PHACTR1: variants seen among roughly 807,000 people sequenced by gnomAD.
PHACTR1 encodes phosphatase and actin regulator 1.
PHACTR1 carries 16 observed loss-of-function variants against 69.2 expected under a neutral mutation model. The ratio of observed to expected loss-of-function variants is 0.23; its 90% confidence interval spans 0.16 to 0.35. The LOEUF (loss-of-function observed/expected upper bound fraction) is 0.35. Among genes scored for constraint, PHACTR1 ranks in the 10% least tolerant of loss-of-function variants. The pLI, the probability that PHACTR1 is intolerant of heterozygous loss-of-function variation, is 1.00. For missense variants in PHACTR1, 510 were observed against 734.7 expected (o/e 0.69, Z 3.54); for synonymous variants, 312 against 284.5 (o/e 1.10, Z -0.97).
At chr6:12,738,042 A>T (rs1160413435) in intron 3 of PHACTR1, among the ~76,000 whole-genome samples, 1 of 152,220 alleles carries the variant, frequency 6.6e-6, no homozygotes, top group East Asian at 1.9e-4. Context: ...CCTCCAGGAC[A>T]GGAACTAGTC....
intron 4 of PHACTR1, among the ~76,000 whole-genome samples, chr6:13,046,140 G>A (rs747224180): frequency 3.9e-5 from 6 of 152,140 alleles, no homozygotes; most frequent in African/African-American, 9.7e-5. Flanking sequence ...ATGATGTGGC[G>A]TAATGGTTGC....
intron 4 of PHACTR1, among the ~76,000 whole-genome samples, chr6:12,965,385 G>A (rs1196487015): frequency 6.6e-6 from 1 of 151,472 alleles, no homozygotes; most frequent in Admixed American, 6.6e-5. Flanking sequence ...GGAACAAAGT[G>A]AGGCTCTGCC....
intron 4 of PHACTR1, among the ~76,000 whole-genome samples, chr6:13,029,562 C>T (rs1162418819): frequency 6.6e-6 from 1 of 152,138 alleles, no homozygotes; most frequent in African/African-American, 2.4e-5. Context: ...ATTACTAGCT[C>T]TCAAGATGGC....
intron 4 of PHACTR1, among the ~76,000 whole-genome samples, chr6:13,014,769 T>C (rs1799919004): frequency 6.6e-6 from 1 of 152,166 alleles, no homozygotes; most frequent in Non-Finnish European, 1.5e-5. Context: ...CAGGTGAGCC[T>C]GGGCGTGTGC....
At position 13,035,090 on chromosome 6, in the gene PHACTR1, G is replaced by A. The variant is rs546255965; in HGVS notation, c.251-18275G>A. On this transcript the variant is annotated intron_variant, in intron 4 of 14. Transcript: ENST00000332995. Reference sequence around the variant, plus strand: ...TGCCTGGCATGATAATATTGTGAATGTATTTGAGTTACTCTTGGCTTTGTT... The same window carrying A: ...TGCCTGGCATGATAATATTGTGAATATATTTGAGTTACTCTTGGCTTTGTT... Among the ~76,000 whole-genome samples, 10 of 152,286 alleles carry A rather than the reference G, an allele frequency of 6.6e-5. 1 individual carries two copies. In the East Asian group the frequency reaches 1.3e-3, roughly 21 times the overall value.
chr6:12,720,382 T>C (rs970067075), intron 3 of PHACTR1, among the ~76,000 whole-genome samples: 1 of 152,214 alleles, frequency 6.6e-6, no homozygotes, highest in African/African-American at 2.4e-5. Flanking sequence ...GTGGGGATGC[T>C]TTAAGCCTTT....
At chr6:13,059,275 A>T (rs1368897276) in intron 5 of PHACTR1, among the ~76,000 whole-genome samples, 1 of 152,130 alleles carries the variant, frequency 6.6e-6, no homozygotes, top group African/African-American at 2.4e-5. Context: ...TGAAAAGTCA[A>T]GTAGAAGGGT....
chr6:13,111,968 A>G (rs1279772219), intron 5 of PHACTR1, among the ~76,000 whole-genome samples: 2 of 152,084 alleles, frequency 1.3e-5, no homozygotes, highest in Non-Finnish European at 2.9e-5. Context: ...GGATTATTTC[A>G]TCACCCAGGT....
At chr6:12,857,876 A>C (rs1780556783) in intron 4 of PHACTR1, among the ~76,000 whole-genome samples, 1 of 152,194 alleles carries the variant, frequency 6.6e-6, no homozygotes, top group Non-Finnish European at 1.5e-5. Flanking sequence ...AGGGATTTGT[A>C]GTCACAAGAT....
intron 6 of PHACTR1, among the ~76,000 whole-genome samples, chr6:13,180,997 AG>A (rs1762105343): frequency 6.6e-6 from 1 of 152,162 alleles, no homozygotes; most frequent in Admixed American, 6.5e-5. Context: ...AATTAAAAAA[AG>A]AAAAAAAAAC....
chr6:13,218,498 T>C (rs1170432336), intron 8 of PHACTR1, among the ~76,000 whole-genome samples: 1 of 152,166 alleles, frequency 6.6e-6, no homozygotes, highest in Non-Finnish European at 1.5e-5. Flanking sequence ...GATAAGTCAG[T>C]GTCTTCATTT....
At chr6:13,022,377 A>ACT (rs1801101358) in intron 4 of PHACTR1, among the ~76,000 whole-genome samples, 1 of 152,228 alleles carries the variant, frequency 6.6e-6, no homozygotes, top group Non-Finnish European at 1.5e-5. Context: ...AGGGGTTAGT[A>ACT]AACTATGGCC....
chr6:12,990,487 G>A (rs915015732), intron 4 of PHACTR1, among the ~76,000 whole-genome samples: 2 of 152,270 alleles, frequency 1.3e-5, no homozygotes, highest in Non-Finnish European at 2.9e-5. Flanking sequence ...ACCCTCACAA[G>A]AGGGAGCACA....
At chr6:12,829,164 A>G (rs1479109888) in intron 4 of PHACTR1, among the ~76,000 whole-genome samples, 1 of 152,252 alleles carries the variant, frequency 6.6e-6, no homozygotes, top group Non-Finnish European at 1.5e-5. Flanking sequence ...TAGAAGCAAG[A>G]CATACATTGT....
At chr6:13,119,252 C>G (rs1818320254) in intron 5 of PHACTR1, among the ~76,000 whole-genome samples, 2 of 152,190 alleles carry the variant, frequency 1.3e-5, no homozygotes. Context: ...TCATGTGATA[C>G]ACTTTGGAAA....
chr6:12,880,313 A>G (rs375744319), intron 4 of PHACTR1, among the ~76,000 whole-genome samples: 3 of 149,570 alleles, frequency 2.0e-5, no homozygotes, highest in African/African-American at 7.4e-5. Flanking sequence ...TGCAGCCTTG[A>G]CCTTCCTGGC....
At chr6:12,982,395 T>C (rs961758529) in intron 4 of PHACTR1, among the ~76,000 whole-genome samples, 1 of 152,224 alleles carries the variant, frequency 6.6e-6, no homozygotes, top group African/African-American at 2.4e-5. Flanking sequence ...AAAATTAACC[T>C]ATCAGCCGGG....
In PHACTR1 at chr6:12,895,183, T is replaced by C. The variant is rs953647725; in HGVS notation, c.250+145393T>C. ...TTGTGACTCTTTCTTTTTTCTTTTT[T>C]TTTTTTTTTTTTTTTGAGACGAAGT... On this transcript the variant is annotated intron_variant, in intron 4 of 14. Coordinates refer to ENST00000332995, the MANE Select transcript of PHACTR1 (RefSeq NM_030948.6). Among the ~76,000 whole-genome samples, 146 of 144,338 alleles carry C rather than the reference T, an allele frequency of 1.0e-3. 1 individual carries two copies. The highest frequency in any genetic ancestry group is 4.4e-3 in the Admixed American group (64 of 14,552). 94.7% of individuals were successfully genotyped at this position (144,338 alleles called of 152,430 possible).
chr6:12,764,065 G>A (rs1768335947), intron 4 of PHACTR1, among the ~76,000 whole-genome samples: 1 of 152,098 alleles, frequency 6.6e-6, no homozygotes, highest in African/African-American at 2.4e-5. Flanking sequence ...ACACTAATTT[G>A]GAGAAGAAAT....
Sources: gnomAD v4.1 joint callset for allele counts (sites outside exome capture counted in the v4.1 genomes callset) on GRCh38, gnomAD v4.1.1 for gene constraint, MANE v1.5 for transcripts, NCBI Gene and HGNC (gene_info 2026-07-23, HGNC 2026-07-21) for gene names.